The following MED27 variants were observed in gnomAD, a reference collection of about 807,000 sequenced individuals.
MED27 encodes mediator complex subunit 27.
In MED27, 30 loss-of-function variants were observed where a neutral mutation model predicts 38.2. That is an observed-to-expected ratio of 0.79 (90% CI 0.59 to 1.07). The LOEUF (loss-of-function observed/expected upper bound fraction) is 1.07. MED27 is among the 50% of genes least tolerant of loss of function. The probability of loss-of-function intolerance (pLI) is 0.00; values close to 1 mark genes in which losing one functional copy is unlikely to be tolerated. For synonymous variants in MED27, 122 were observed against 153.5 expected (o/e 0.79, Z 1.52); for missense variants, 289 against 397.5 (o/e 0.73, Z 2.32).
chr9:131,952,018 A>G (rs1831008378), intron 3 of MED27, among the ~76,000 whole-genome samples: 2 of 152,192 alleles, frequency 1.3e-5, no homozygotes, highest in Admixed American at 1.3e-4. Flanking sequence ...AGTGAGCTGG[A>G]GTAAATGGAT....
At chr9:132,010,260 A>G (rs1311031137) in intron 3 of MED27, among the ~76,000 whole-genome samples, 1 of 152,238 alleles carries the variant, frequency 6.6e-6, no homozygotes, top group East Asian at 1.9e-4. Flanking sequence ...ACATTTACGC[A>G]GCCAACAGAC....
chr9:131,883,669 C>G lies in MED27; in HGVS notation c.723+389G>C, dbSNP rs1042184825. On this transcript the variant is annotated intron_variant, in intron 6 of 7. Coordinates refer to ENST00000292035, the MANE Select transcript of MED27 (RefSeq NM_004269.4). The surrounding 1 kb of genome is among the most constrained non-coding windows in gnomAD (Gnocchi z 4.2). ...TCAGAATACAGTTTTTGGAACATCT[C>G]AAAAACCTATGGTTTTCCTAAGGTA... Among the ~76,000 whole-genome samples, 16 of 152,124 alleles carry G rather than the reference C, an allele frequency of 1.1e-4. No homozygotes were observed. The highest frequency in any genetic ancestry group is 2.7e-4 in the African/African-American group (11 of 41,420).
chr9:131,945,623 C>G (rs1356384782), intron 3 of MED27, among the ~76,000 whole-genome samples: 1 of 152,044 alleles, frequency 6.6e-6, no homozygotes, highest in African/African-American at 2.4e-5. Context: ...AACTACCATT[C>G]TACTCTGTAC....
intron 3 of MED27, among the ~76,000 whole-genome samples, chr9:131,959,050 A>C (rs1414404548): frequency 3.3e-5 from 5 of 152,224 alleles, no homozygotes; most frequent in Non-Finnish European, 7.3e-5. Context: ...ATTTCCCTCA[A>C]AACAATTTTT....
chr9:132,008,370 T>C (rs1380302677), intron 3 of MED27, among the ~76,000 whole-genome samples: 1 of 152,248 alleles, frequency 6.6e-6, no homozygotes, highest in African/African-American at 2.4e-5. Context: ...ACAGCAACAG[T>C]GGACACAGCC....
At chr9:131,888,660 C>T (rs74605111) in intron 5 of MED27, among the ~76,000 whole-genome samples, 4,018 of 152,172 alleles carry the variant, frequency 0.026, 176 homozygotes, top group African/African-American at 0.09. Flanking sequence ...ACTTTTAGAA[C>T]CTCTATTTAG....
At chr9:131,965,401 T>G (rs1831316089) in intron 3 of MED27, among the ~76,000 whole-genome samples, 2 of 152,230 alleles carry the variant, frequency 1.3e-5, no homozygotes, top group South Asian at 4.1e-4. Context: ...TCTATTAGAG[T>G]GTGGCTTAGT....
At chr9:132,044,391 C>T (rs149834686) in intron 2 of MED27, among the ~76,000 whole-genome samples, 6 of 152,370 alleles carry the variant, frequency 3.9e-5, no homozygotes, top group African/African-American at 1.4e-4. Flanking sequence ...ACGCTTCTTA[C>T]TTCTCACTCC....
At chr9:131,880,714 T>G (rs1248873536) in intron 6 of MED27, among the ~76,000 whole-genome samples, 2 of 152,172 alleles carry the variant, frequency 1.3e-5, no homozygotes. Context: ...TTTAAACACT[T>G]CTGCTTCAGA....
chr9:132,062,588 C>A (rs1165161767), intron 2 of MED27, among the ~76,000 whole-genome samples: 2 of 151,100 alleles, frequency 1.3e-5, no homozygotes, highest in Admixed American at 1.3e-4. Context: ...CTGTCTTCAT[C>A]CTGAGCACGA....
intron 4 of MED27, among the ~76,000 whole-genome samples, chr9:131,935,880 T>A (rs1830673268): frequency 6.6e-6 from 1 of 152,048 alleles, no homozygotes; most frequent in South Asian, 2.1e-4. Context: ...CCAGGTACAG[T>A]GGCTCATATC....
chr9:131,985,753 C>T (rs1402113505), intron 3 of MED27, among the ~76,000 whole-genome samples: 1 of 151,146 alleles, frequency 6.6e-6, no homozygotes, highest in Non-Finnish European at 1.5e-5. Flanking sequence ...GACTGTAAAA[C>T]ATCCTCAGGC....
chr9:131,922,097 A>G (rs1830402901), intron 4 of MED27, among the ~76,000 whole-genome samples: 1 of 151,846 alleles, frequency 6.6e-6, no homozygotes, highest in African/African-American at 2.4e-5. Context: ...GATGCAGCAC[A>G]CCAGTGTGGC....
chr9:132,065,804 T>C (rs1189095028), intron 2 of MED27, among the ~76,000 whole-genome samples: 1 of 152,230 alleles, frequency 6.6e-6, no homozygotes, highest in Non-Finnish European at 1.5e-5. Flanking sequence ...CTGATGGGTG[T>C]CGCCCGGGGG....
intron 2 of MED27, among the ~76,000 whole-genome samples, chr9:132,072,765 G>C (rs552321412): frequency 1.3e-5 from 2 of 152,166 alleles, no homozygotes; most frequent in Admixed American, 1.3e-4. Context: ...TAAATTGTGA[G>C]GGGCATTTAA....
At chr9:132,040,503 G>C (rs1052790430) in intron 2 of MED27, among the ~76,000 whole-genome samples, 4 of 152,178 alleles carry the variant, frequency 2.6e-5, no homozygotes, top group Non-Finnish European at 4.4e-5. Context: ...CAAATGTCAC[G>C]AGAAAGCTAT....
At chr9:131,938,783 G>C (rs573246143) in intron 4 of MED27, among the ~76,000 whole-genome samples, 3 of 150,400 alleles carry the variant, frequency 2.0e-5, no homozygotes, top group Non-Finnish European at 3.0e-5. Context: ...GAGTGATCTC[G>C]GCTCACTGCA....
intron 2 of MED27, among the ~76,000 whole-genome samples, chr9:132,038,277 C>T (rs1833127310): frequency 6.7e-6 from 1 of 148,682 alleles, no homozygotes; most frequent in African/African-American, 2.5e-5. Context: ...CTGCAAGCTC[C>T]GCCTCCCGGG....
intron 6 of MED27, among the ~76,000 whole-genome samples, chr9:131,877,229 G>A (rs1838951755): frequency 6.6e-6 from 1 of 152,220 alleles, no homozygotes; most frequent in South Asian, 2.1e-4. Context: ...GAGGCTTTGG[G>A]AAGGAAATGT....
Sources: allele counts gnomAD v4.1 joint callset (sites outside exome capture counted in the v4.1 genomes callset), GRCh38; gene constraint gnomAD v4.1.1; non-coding constraint Gnocchi (gnomAD v3.1); transcripts MANE v1.5; gene names NCBI Gene and HGNC (gene_info 2026-07-23, HGNC 2026-07-21).